Variants in KIAA1671 observed in about 807,000 individuals in gnomAD.
The protein encoded by KIAA1671 is KIAA1671.
In KIAA1671, 52 loss-of-function variants were observed where a neutral mutation model predicts 131.2. That is an observed-to-expected ratio of 0.40 (90% CI 0.32 to 0.50). The LOEUF (loss-of-function observed/expected upper bound fraction) is 0.50, where lower values mean the gene tolerates loss of function less well. Ranked by LOEUF, KIAA1671 falls within the 20% of genes least tolerant of loss-of-function variation. The pLI is 0.73. For missense variants in KIAA1671, 2,360 were observed against 2,364.2 expected, an observed-to-expected ratio of 1.00 and a Z score of 0.04; for synonymous variants, 1,003 against 961.6, an observed-to-expected ratio of 1.04 and a Z score of -0.80.
chr22:25,169,493 G>C (rs958683546), intron 6 of KIAA1671, among the ~76,000 whole-genome samples: 1 of 151,310 alleles, frequency 6.6e-6, no homozygotes, highest in Non-Finnish European at 1.5e-5. Context: ...AAGGCCGTCT[G>C]AGTCATCAGT....
At chr22:24,977,982 A>G (rs1429485722) in intron 1 of KIAA1671, among the ~76,000 whole-genome samples, 3 of 152,110 alleles carry the variant, frequency 2.0e-5, no homozygotes, top group Admixed American at 6.5e-5. Context: ...GGAGCAGGAA[A>G]TGATCATGGC....
At chr22:25,087,376 G>A (rs1929782038) in intron 6 of KIAA1671, among the ~76,000 whole-genome samples, 4 of 152,162 alleles carry the variant, frequency 2.6e-5, no homozygotes, top group Non-Finnish European at 5.9e-5. Flanking sequence ...CTGATCTCAG[G>A]AGTTCGAGAC....
At chr22:25,099,936 G>A (rs972507678) in intron 6 of KIAA1671, among the ~76,000 whole-genome samples, 2 of 152,220 alleles carry the variant, frequency 1.3e-5, no homozygotes, top group Non-Finnish European at 2.9e-5. Context: ...TGATACCTGG[G>A]AGGTAGGTGT....
At chr22:25,073,550 ACTCT>A (rs112499522) in intron 6 of KIAA1671, among the ~76,000 whole-genome samples, 1 of 152,118 alleles carries the variant, frequency 6.6e-6, no homozygotes, top group African/African-American at 2.4e-5. Flanking sequence ...CCTGAGATCT[ACTCT>A]CTCAACAAAT....
At chr22:24,994,016 G>C (rs1923976350) in intron 1 of KIAA1671, among the ~76,000 whole-genome samples, 1 of 152,020 alleles carries the variant, frequency 6.6e-6, no homozygotes, top group South Asian at 2.1e-4. Flanking sequence ...AGCAGGTGGA[G>C]GTTGCAGTGA....
chr22:25,072,011 C>T (rs1019082780), intron 6 of KIAA1671, among the ~76,000 whole-genome samples: 3 of 152,060 alleles, frequency 2.0e-5, no homozygotes, highest in African/African-American at 7.2e-5. Flanking sequence ...GGAGAGCCTC[C>T]CCAAGGAAGC....
At chr22:24,964,146 TG>T (rs1394605183) in intron 1 of KIAA1671, among the ~76,000 whole-genome samples, 1 of 152,026 alleles carries the variant, frequency 6.6e-6, no homozygotes, top group East Asian at 1.9e-4. Context: ...CTGGCCAACG[TG>T]GCAAAACCCT....
chr22:25,089,414 A>G (rs1048689909), intron 6 of KIAA1671, among the ~76,000 whole-genome samples: 23 of 151,336 alleles, frequency 1.5e-4, no homozygotes, highest in African/African-American at 5.6e-4. Context: ...AGCTGGGATT[A>G]TAGGCACTCA....
At chr22:25,069,180 C>G (rs1928673215) in intron 6 of KIAA1671, among the ~76,000 whole-genome samples, 1 of 152,166 alleles carries the variant, frequency 6.6e-6, no homozygotes, top group African/African-American at 2.4e-5. Flanking sequence ...AGTGATGATA[C>G]TGCCCTCATG....
chr22:25,093,886 C>T (rs1411338989), intron 6 of KIAA1671, among the ~76,000 whole-genome samples: 4 of 115,668 alleles, frequency 3.5e-5, no homozygotes, highest in Admixed American at 9.2e-5. Flanking sequence ...CTCTCTCTCT[C>T]CCTTCTGCTT....
chr22:25,112,701 G>A (rs1931429681), intron 6 of KIAA1671: 2 of 284,056 alleles, frequency 7.0e-6, no homozygotes, highest in Non-Finnish European at 1.3e-5. Context: ...GTGTGGACAG[G>A]GCCAGCACGT....
At chr22:25,049,147 G>A (rs892314460) in intron 5 of KIAA1671, 83 bp from the exon 6 acceptor site, 39 of 1,480,740 alleles carry the variant, frequency 2.6e-5, no homozygotes, top group Non-Finnish European at 3.5e-5. Context: ...TTTTGGTACA[G>A]AATGGACTCT....
chr22:25,047,824 AAGT>A (rs1927332451), intron 5 of KIAA1671, among the ~76,000 whole-genome samples: 1 of 152,206 alleles, frequency 6.6e-6, no homozygotes, highest in African/African-American at 2.4e-5. Context: ...AATTTTGAAG[AAGT>A]CTATTTTATT....
chr22:25,148,259 C>G (rs1932927979), intron 6 of KIAA1671, among the ~76,000 whole-genome samples: 2 of 149,758 alleles, frequency 1.3e-5, no homozygotes. Context: ...TCCCAGCCCT[C>G]CCACAGTCCC....
At chr22:25,074,790 C>G (rs1256765629) in intron 6 of KIAA1671, among the ~76,000 whole-genome samples, 1 of 152,148 alleles carries the variant, frequency 6.6e-6, no homozygotes, top group Non-Finnish European at 1.5e-5. Flanking sequence ...CAACTGGACA[C>G]TTCGGGTGTG....
rs1926067831 is a variant in KIAA1671 at position 25,028,288 on chromosome 22, C to T, written c.289C>T (p.Leu97Phe). ...SSTGPSPSGGLSEEPAAKDLD... is the reference protein window; with the variant it reads ...SSTGPSPSGGFSEEPAAKDLD... The stretch of plus-strand genomic sequence containing the variant: ...GACTGGACCTTCCCCCTCTGGGGGG[C>T]TCTCTGAGGAGCCAGCAGCAAAGGA... The change falls in exon 3 of 13, where the codon CTC (leucine) becomes TTC (phenylalanine). Residue 97 changes from leucine (L) to phenylalanine (F), a missense_variant. Physicochemically the swap from Leu to Phe is conservative, Grantham distance 22. Coordinates refer to ENST00000358431, the MANE Select transcript of KIAA1671 (RefSeq NM_001145206.2). The T allele has an allele frequency of 6.4e-7, 1 of 1,551,094 alleles. No homozygotes were observed. The highest frequency in any genetic ancestry group is 8.7e-7 in the Non-Finnish European group (1 of 1,146,908).
chr22:24,977,164 T>C (rs1001804248), intron 1 of KIAA1671, among the ~76,000 whole-genome samples: 5 of 152,158 alleles, frequency 3.3e-5, no homozygotes, highest in Non-Finnish European at 7.3e-5. Flanking sequence ...ATGTGCTAAT[T>C]ATACTCACGT....
chr22:25,042,355 T>C (rs1926979098), intron 5 of KIAA1671, among the ~76,000 whole-genome samples: 1 of 152,194 alleles, frequency 6.6e-6, no homozygotes, highest in African/African-American at 2.4e-5. Flanking sequence ...AGCATCATGC[T>C]TGACATACTG....
chr22:25,133,916 C>T (rs1033416840), intron 6 of KIAA1671, among the ~76,000 whole-genome samples: 7 of 152,218 alleles, frequency 4.6e-5, no homozygotes, highest in African/African-American at 7.2e-5. Context: ...TCAGTCTAGA[C>T]ATTGGTGTCC....
Sources: allele counts gnomAD v4.1 joint callset (sites outside exome capture counted in the v4.1 genomes callset), GRCh38; gene constraint gnomAD v4.1.1; transcripts MANE v1.5; gene names NCBI Gene and HGNC (gene_info 2026-07-23, HGNC 2026-07-21).